Variants in C16orf96 observed in about 807,000 individuals in gnomAD.
C16orf96 encodes uncharacterized protein C16orf96.
C16orf96 carries 108 observed loss-of-function variants against 103.6 expected under a neutral mutation model. That is an observed-to-expected ratio of 1.04 (90% confidence interval 0.89 to 1.22). The LOEUF (loss-of-function observed/expected upper bound fraction) is 1.22. Among genes scored for constraint, C16orf96 ranks in the 50% most tolerant of loss-of-function variants. The pLI is 0.00. For missense variants in C16orf96, 1,586 were observed against 1,464.2 expected (o/e 1.08, Z -1.36); for synonymous variants, 566 against 593.5 (o/e 0.95, Z 0.67).
chr16:4,576,927 C>A (rs1282384939), intron 5 of C16orf96, among the ~76,000 whole-genome samples: 2 of 152,130 alleles, frequency 1.3e-5, no homozygotes, highest in African/African-American at 4.8e-5. Flanking sequence ...CGTGGTGGCT[C>A]CCACCTGTAA....
At chr16:4,557,002 C>G in intron 1 of C16orf96, 93 bp downstream of exon 1, 1 of 1,351,710 alleles carries the variant, frequency 7.4e-7, no homozygotes, top group African/African-American at 1.5e-5. Flanking sequence ...CTCCGTCTCG[C>G]TCTGTCACCC....
In C16orf96 at chr16:4,556,767, A is replaced by G; in HGVS notation, c.278A>G (p.Asn93Ser). 2 of 1,551,582 alleles carry G rather than the reference A, an allele frequency of 1.3e-6. No homozygotes were observed. The highest frequency in any genetic ancestry group is 1.4e-5 in the African/African-American group (1 of 73,032). The change falls in exon 1 of 16, where the codon AAC becomes AGC. Residue 93 changes from asparagine to serine, a missense_variant. Coordinates refer to ENST00000444310, the MANE Select transcript of C16orf96 (RefSeq NM_001145011.2). ...GTGAGCCGCCTCGACAAGTTGGAGA[A>G]CCAGCTGGCCCTGCTGCAGGACCTG... ...HVVSRLDKLE[N>S]QLALLQDLPS...
chr16:4,579,934 C>T (rs1414709898), intron 6 of C16orf96, 81 bp from the exon 7 acceptor site: 2 of 1,236,450 alleles, frequency 1.6e-6, no homozygotes, highest in East Asian at 2.6e-5. Context: ...TCTTCTTGGC[C>T]TCAACCCTCC....
At chr16:4,581,168 AT>A (rs2059583337) in intron 7 of C16orf96, among the ~76,000 whole-genome samples, 6 of 122,038 alleles carry the variant, frequency 4.9e-5, no homozygotes, top group Admixed American at 2.5e-4. Flanking sequence ...ATATATATAT[AT>A]ATATATATAT....
At position 4,589,466 on chromosome 16, in the gene C16orf96, C is replaced by A. The variant is rs558134416; in HGVS notation, c.2592+1135C>A. ...TGGTGGCACATACCTGCATTTCCAACTACTCAGGAGGCTGAGGTGAGAGAA... is the reference window on the plus strand; with the variant it reads ...TGGTGGCACATACCTGCATTTCCAAATACTCAGGAGGCTGAGGTGAGAGAA... On this transcript the variant is annotated intron_variant, in intron 9 of 15. Coordinates refer to ENST00000444310, the MANE Select transcript of C16orf96 (RefSeq NM_001145011.2). 1.6e-4 allele frequency among the ~76,000 whole-genome samples: 24 copies of A among 151,264 alleles called. 2 individuals carry two copies. The South Asian group carries it at 5.0e-3, about 32-fold the overall frequency.
At chr16:4,588,793 AGAG>A (rs779027878) in intron 9 of C16orf96, among the ~76,000 whole-genome samples, 12 of 150,118 alleles carry the variant, frequency 8.0e-5, no homozygotes, top group Non-Finnish European at 1.6e-4. Context: ...CCCATTTCAC[AGAG>A]GAGAACACTG....
intron 1 of C16orf96, among the ~76,000 whole-genome samples, chr16:4,557,284 C>A (rs906394977): frequency 6.6e-6 from 1 of 151,954 alleles, no homozygotes; most frequent in African/African-American, 2.4e-5. Flanking sequence ...CCTGGGACAT[C>A]TTGTTGCTTA....
Position 4,564,289 on chromosome 16 carries a change from G to A in C16orf96, c.421-7272G>A, listed in dbSNP as rs73513062. Among the ~76,000 whole-genome samples the A allele has an allele frequency of 5.5e-3, 837 of 152,218 alleles. 7 individuals are homozygous for A. The highest frequency in any genetic ancestry group is 0.02 in the African/African-American group (821 of 41,530). On this transcript the variant is annotated intron_variant, in intron 1 of 15. Transcript: ENST00000444310. ...CTTCTGCCCTCCTAATTTGTTCTTG[G>A]CCATTGTCAGACTTGGTTGGATATG...
rs1286923087 is a variant in C16orf96 at position 4,557,026 on chromosome 16, G to A, written c.420+117G>A. On this transcript the variant is annotated intron_variant, in intron 1 of 15. Transcript: ENST00000444310. Reference sequence around the variant, plus strand: ...GCTCTGTCACCCAGGCTGGAGTGCAGTGGTGTGATCTTGGCTCACTGCAAC... The same window carrying A: ...GCTCTGTCACCCAGGCTGGAGTGCAATGGTGTGATCTTGGCTCACTGCAAC... 4 of 1,223,988 alleles carry A rather than the reference G, an allele frequency of 3.3e-6. No individual in the cohort carries two copies. The East Asian group carries it at 1.0e-4, about 32-fold the overall frequency. The allele number at this position is 1,223,988 out of a possible 1,614,324, so 75.8% of individuals were successfully genotyped here. A position where few individuals can be genotyped will look rare whatever the true frequency, so the allele number is the denominator to read the frequency against.
the C16orf96 span, among the ~76,000 whole-genome samples, chr16:4,548,806 G>A: frequency 6.6e-6 from 1 of 151,502 alleles, no homozygotes; most frequent in African/African-American, 2.4e-5. Context: ...CCGGGAGGCG[G>A]AGGTTGCAGT....
chr16:4,591,792 C>G lies in C16orf96; in HGVS notation c.2711+8C>G. 2 of 1,495,902 alleles carry G rather than the reference C, an allele frequency of 1.3e-6. No homozygotes were observed. The highest frequency in any genetic ancestry group is 1.8e-6 in the Non-Finnish European group (2 of 1,115,900). The allele number at this position is 1,495,902 out of a possible 1,614,324, so 92.7% of individuals were successfully genotyped here. On this transcript the variant is annotated splice_region_variant and intron_variant, in intron 10 of 15. Coordinates refer to ENST00000444310, the MANE Select transcript of C16orf96 (RefSeq NM_001145011.2). The stretch of plus-strand genomic sequence containing the variant: ...TGCTGCTGGCTTTAGGAGGTGAGTG[C>G]CCGCCCGAGCCCCTCCTGGTAGGGG...
At chr16:4,597,804 G>A (rs1897205041) in intron 14 of C16orf96, among the ~76,000 whole-genome samples, 1 of 152,136 alleles carries the variant, frequency 6.6e-6, no homozygotes, top group Admixed American at 6.5e-5. Context: ...TGACCCACCT[G>A]TCTCAGCCTC....
In C16orf96 at chr16:4,556,431, G is replaced by T; in HGVS notation, c.-59G>T. ...CATGTAGCTCTCGGAACCACTGAAA[G>T]CTACCCCTTGTCCTTGAGGACACCT... is the stretch of plus-strand genomic sequence containing the variant. On this transcript the variant is annotated 5_prime_UTR_variant, in exon 1 of 16. Coordinates refer to ENST00000444310, the MANE Select transcript of C16orf96 (RefSeq NM_001145011.2). The T allele has an allele frequency of 6.8e-7, 1 of 1,460,106 alleles. No individual in the cohort carries two copies. Among genetic ancestry groups the T allele is most frequent in the South Asian group, 1.4e-5 (1 of 72,478 alleles). 90.4% of individuals were successfully genotyped at this position (1,460,106 alleles called of 1,614,324 possible).
Position 4,575,951 on chromosome 16 carries a change from G to C in C16orf96, c.1471G>C (p.Asp491His), listed in dbSNP as rs970053563. Residue 491 changes from aspartate to histidine, a missense_variant, in exon 5 of 16, where the codon GAT becomes CAT. Physicochemically the swap from Asp to His is moderately conservative, Grantham distance 81 (BLOSUM62 -1). Transcript: ENST00000444310. ...AACTCGCAAGGATGGGGTCCCCAAAGATAGAGGTGGCAAGGATGTGGACCC... is the reference window on the plus strand; with the variant it reads ...AACTCGCAAGGATGGGGTCCCCAAACATAGAGGTGGCAAGGATGTGGACCC... ...DRTRKDGVPK[D>H]RGGKDVDPKD... The C allele has an allele frequency of 1.9e-6, 3 of 1,550,146 alleles. No individual in the cohort carries two copies. The highest frequency in any genetic ancestry group is 2.6e-6 in the Non-Finnish European group (3 of 1,146,222).
chr16:4,545,885 T>C, the C16orf96 span, among the ~76,000 whole-genome samples: 1 of 152,204 alleles, frequency 6.6e-6, no homozygotes, highest in Non-Finnish European at 1.5e-5. Context: ...AATCTCGCTC[T>C]GTTGCCCAGG....
In C16orf96 at chr16:4,593,635, G is replaced by A. The variant is rs776612658; in HGVS notation, c.2867+319G>A. Among the ~76,000 whole-genome samples, 1 of 152,060 alleles carries A rather than the reference G, an allele frequency of 6.6e-6. No homozygotes were observed. Among genetic ancestry groups the A allele is most frequent in the African/African-American group, 2.4e-5 (1 of 41,402 alleles). On this transcript the variant is annotated intron_variant, in intron 12 of 15. Coordinates refer to ENST00000444310, the MANE Select transcript of C16orf96 (RefSeq NM_001145011.2). The surrounding 1 kb of genome is among the most constrained non-coding windows in gnomAD (Gnocchi z 4.2). Reference sequence around the variant, plus strand: ...TATGCCCATGTCCCTGTTTCTTGGCGGAGGGAATCGGTGATGATGGGGAAC... The same window carrying A: ...TATGCCCATGTCCCTGTTTCTTGGCAGAGGGAATCGGTGATGATGGGGAAC...
In C16orf96 at chr16:4,575,516, C is replaced by G. The variant is rs1485254179; in HGVS notation, c.1036C>G (p.Pro346Ala). The change falls in exon 5 of 16, where the codon CCT becomes GCT. Residue 346 changes from proline to alanine, a missense_variant. Physicochemically the swap from Pro to Ala is conservative, Grantham distance 27. Coordinates refer to ENST00000444310, the MANE Select transcript of C16orf96 (RefSeq NM_001145011.2). ...ACTGGAGCTGGGGCTGGAGCTGGAG[C>G]CTGTGCCTGCCCTGGGGCCTGTCCC... ...PGLELGLELEPVPALGPVPGP... is the reference protein window; with the variant it reads ...PGLELGLELEAVPALGPVPGP... 2 of 1,546,294 alleles carry G rather than the reference C, an allele frequency of 1.3e-6. No homozygotes were observed. The highest frequency in any genetic ancestry group is 1.7e-6 in the Non-Finnish European group (2 of 1,146,400).
chr16:4,555,642 A>C (rs1472020998), upstream of C16orf96, among the ~76,000 whole-genome samples: 1 of 149,104 alleles, frequency 6.7e-6, no homozygotes, highest in African/African-American at 2.5e-5. Context: ...GAGTGCTGGG[A>C]TTACATATGT....
chr16:4,575,134 G>A, intron 4 of C16orf96, 40 bp from the exon 5 acceptor site: 1 of 1,546,410 alleles, frequency 6.5e-7, no homozygotes, highest in South Asian at 1.2e-5. Context: ...GGGAGGCGGG[G>A]CTGGAAGCCA....
Sources: allele counts gnomAD v4.1 joint callset (sites outside exome capture counted in the v4.1 genomes callset), GRCh38; gene constraint gnomAD v4.1.1; non-coding constraint Gnocchi (gnomAD v3.1); transcripts MANE v1.5; gene names NCBI Gene and HGNC (gene_info 2026-07-23, HGNC 2026-07-21).